Variants in CDK19 observed in about 807,000 individuals in gnomAD.
CDK19 encodes the protein cyclin dependent kinase 19.
In CDK19, 20 loss-of-function variants were observed where a neutral mutation model predicts 68.3. The ratio of observed to expected loss-of-function variants is 0.29; its 90% CI spans 0.21 to 0.43. CDK19 has a LOEUF of 0.43. Ranked by LOEUF, CDK19 falls within the 20% of genes least tolerant of loss-of-function variation. The pLI is 1.00. For synonymous variants in CDK19, 221 were observed against 222.8 expected, an observed-to-expected ratio of 0.99 and a Z score of 0.07; for missense variants, 339 against 623.5, an observed-to-expected ratio of 0.54 and a Z score of 4.86.
At chr6:110,812,858 G>C (rs901956060) in intron 1 of CDK19, among the ~76,000 whole-genome samples, 3 of 148,686 alleles carry the variant, frequency 2.0e-5, no homozygotes, top group African/African-American at 7.5e-5. Context: ...AAAGGACACA[G>C]ATGTTCTTTC....
rs747338198 is a variant in CDK19 at position 110,626,989 on chromosome 6, GA to G, written c.790+12del. On this transcript the variant is annotated intron_variant, in intron 7 of 12. Coordinates refer to ENST00000368911, the MANE Select transcript of CDK19 (RefSeq NM_015076.5). ...TGACTCAAAATATGACTTTAAAAAG[GA>G]AAATAAATTACCTGCAGGAAACCCC... 4.2e-5 allele frequency: 67 copies of G among 1,593,254 alleles called. No homozygotes were observed. The highest frequency in any genetic ancestry group is 5.4e-5 in the Non-Finnish European group (63 of 1,171,586).
chr6:110,782,037 C>T (rs1410395332), intron 1 of CDK19, among the ~76,000 whole-genome samples: 9 of 152,094 alleles, frequency 5.9e-5, no homozygotes, highest in African/African-American at 2.2e-4. Flanking sequence ...GAAGCAACTT[C>T]TCAAAGAAAT....
intron 1 of CDK19, among the ~76,000 whole-genome samples, chr6:110,800,487 CAA>C (rs1425234457): frequency 6.6e-6 from 1 of 152,066 alleles, no homozygotes; most frequent in Non-Finnish European, 1.5e-5. Flanking sequence ...TAAAATCTGG[CAA>C]AGATACAACA....
intron 5 of CDK19, among the ~76,000 whole-genome samples, chr6:110,634,846 A>G (rs535050626): frequency 6.6e-6 from 1 of 152,284 alleles, no homozygotes; most frequent in African/African-American, 2.4e-5. Flanking sequence ...TAAAGCCAGT[A>G]TTTCTCCCCT....
At chr6:110,719,833 C>A (rs1294673482) in intron 2 of CDK19, among the ~76,000 whole-genome samples, 1 of 152,068 alleles carries the variant, frequency 6.6e-6, no homozygotes, top group Non-Finnish European at 1.5e-5. Context: ...CAGGTTCAAG[C>A]GATTCTCCTG....
intron 6 of CDK19, among the ~76,000 whole-genome samples, chr6:110,629,518 C>A (rs547802747): frequency 6.6e-6 from 1 of 152,250 alleles, no homozygotes; most frequent in Non-Finnish European, 1.5e-5. Context: ...CCATGCCTGG[C>A]TAATTTTTGT....
intron 2 of CDK19, among the ~76,000 whole-genome samples, chr6:110,744,001 A>T (rs1777875832): frequency 7.6e-6 from 1 of 131,378 alleles, no homozygotes. Context: ...CATTACAAAT[A>T]CCTCCCCACG....
intron 1 of CDK19, 169 bp downstream of exon 1, chr6:110,814,840 A>C: frequency 1.2e-6 from 1 of 837,444 alleles, no homozygotes; most frequent in Non-Finnish European, 1.9e-6. Context: ...CGCGCGGGGG[A>C]GGCGGGCGGA....
At chr6:110,630,784 C>CT (rs1202902908) in intron 6 of CDK19, among the ~76,000 whole-genome samples, 8 of 152,194 alleles carry the variant, frequency 5.3e-5, no homozygotes, top group Non-Finnish European at 7.3e-5. Context: ...TACTCAGAGG[C>CT]TTTTTCACTA....
At chr6:110,779,831 TC>T (rs1351083704) in intron 1 of CDK19, among the ~76,000 whole-genome samples, 1 of 152,172 alleles carries the variant, frequency 6.6e-6, no homozygotes, top group African/African-American at 2.4e-5. Context: ...ACACCTGTAA[TC>T]CCAGCACTTT....
intron 4 of CDK19, among the ~76,000 whole-genome samples, chr6:110,651,989 A>G (rs141373780): frequency 0.034 from 5,189 of 152,198 alleles, 125 homozygotes; most frequent in Middle Eastern, 0.082. Flanking sequence ...AGGGAGAATC[A>G]CTTGAACCCA....
chr6:110,645,823 C>T (rs535125804), intron 4 of CDK19: 4 of 603,642 alleles, frequency 6.6e-6, no homozygotes, highest in East Asian at 3.6e-5. Flanking sequence ...GGGATGGCCG[C>T]GCACGACGCG....
At chr6:110,632,409 C>T (rs1251647401) in intron 5 of CDK19, among the ~76,000 whole-genome samples, 3 of 152,092 alleles carry the variant, frequency 2.0e-5, no homozygotes, top group Admixed American at 2.0e-4. Flanking sequence ...ATTATTGTGC[C>T]TGTTTTACTG....
Position 110,815,269 on chromosome 6 carries a change from C to CTCT in CDK19, c.-134_-133insAGA. 2 of 1,055,634 alleles carry CTCT rather than the reference C, an allele frequency of 1.9e-6. No homozygotes were observed. Among genetic ancestry groups the CTCT allele is most frequent in the Non-Finnish European group, 1.2e-6 (1 of 804,692 alleles). The allele number at this position is 1,055,634 out of a possible 1,614,324, so 65.4% of individuals were successfully genotyped here. On this transcript the variant is annotated 5_prime_UTR_variant, in exon 1 of 13. Transcript: ENST00000368911. ...CGCGCGCGCGCGCGCCGCCCGCCGC[C>CTCT]CGCCGCTCCGCGGTCCGCCTTCAGC...
chr6:110,768,395 C>G (rs148639845), intron 1 of CDK19, among the ~76,000 whole-genome samples: 2 of 152,232 alleles, frequency 1.3e-5, no homozygotes, highest in African/African-American at 4.8e-5. Flanking sequence ...TTGGTATTTA[C>G]CCAAAGAAGA....
At position 110,785,298 on chromosome 6, in the gene CDK19, G is replaced by A. The variant is rs6932343; in HGVS notation, c.128+29711C>T. Among the ~76,000 whole-genome samples the A allele has an allele frequency of 4.7e-3, 718 of 152,114 alleles. 2 individuals are homozygous for A. Among genetic ancestry groups the A allele is most frequent in the Non-Finnish European group, 7.0e-3 (479 of 67,990 alleles). ...CTTGAACAACACAGGGCTTAGTGGC[G>A]CTTACCCCACACACAGTCAAAAACC... On this transcript the variant is annotated intron_variant, in intron 1 of 12. Coordinates refer to ENST00000368911, the MANE Select transcript of CDK19 (RefSeq NM_015076.5).
intron 1 of CDK19, among the ~76,000 whole-genome samples, chr6:110,802,862 T>G (rs802684): frequency 0.33 from 50,063 of 152,086 alleles, 9,419 homozygotes; most frequent in East Asian, 0.68. Context: ...GGGGGTAGTA[T>G]GATTTCACAA....
chr6:110,670,569 CTG>C, intron 2 of CDK19, 28 bp from the exon 3 acceptor site: 1 of 1,311,784 alleles, frequency 7.6e-7, no homozygotes, highest in Non-Finnish European at 1.1e-6. Context: ...AGAGGGGTCA[CTG>C]TTGTGTTAGC....
chr6:110,680,966 C>T (rs1771961896), intron 2 of CDK19, among the ~76,000 whole-genome samples: 1 of 151,878 alleles, frequency 6.6e-6, no homozygotes, highest in Admixed American at 6.6e-5. Flanking sequence ...CACTGCACTC[C>T]AGCCTGGGCA....
Sources: gnomAD v4.1 joint callset for allele counts (sites outside exome capture counted in the v4.1 genomes callset) on GRCh38, gnomAD v4.1.1 for gene constraint, MANE v1.5 for transcripts, NCBI Gene and HGNC (gene_info 2026-07-23, HGNC 2026-07-21) for gene names.